The following INPP4A variants were observed in gnomAD, a reference collection of about 807,000 sequenced individuals.
The protein encoded by INPP4A is inositol polyphosphate-4-phosphatase type I A.
INPP4A carries 33 observed loss-of-function variants against 119.8 expected under a neutral mutation model. The ratio of observed to expected loss-of-function variants is 0.28; its 90% CI spans 0.21 to 0.37. The LOEUF (loss-of-function observed/expected upper bound fraction) is 0.37. INPP4A is among the 10% of genes least tolerant of loss of function. The pLI is 1.00. For missense variants in INPP4A, 956 were observed against 1,289.9 expected (o/e 0.74, Z 3.97); for synonymous variants, 496 against 500.7 (o/e 0.99, Z 0.12).
Position 98,554,606 on chromosome 2 carries a change from TC to T in INPP4A, c.1566+119del. 1.2e-6 allele frequency: 1 copy of T among 865,278 alleles called. No homozygotes were observed. Among genetic ancestry groups the T allele is most frequent in the Non-Finnish European group, 1.8e-6 (1 of 551,420 alleles). 53.6% of individuals were successfully genotyped at this position (865,278 alleles called of 1,614,324 possible). ...CAAGGTTCAACTGCTGTGAACAAGC[TC>T]CAGGTTTCCTTCCTGGATGGCTCCT... is the stretch of plus-strand genomic sequence containing the variant. On this transcript the variant is annotated intron_variant, in intron 15 of 24. Transcript: ENST00000409851. This position sits in a 1 kb window ranked among gnomAD's most constrained non-coding sequence, Gnocchi z 4.7.
chr2:98,568,079 G>A (rs1696793540), intron 21 of INPP4A, among the ~76,000 whole-genome samples: 1 of 152,238 alleles, frequency 6.6e-6, no homozygotes, highest in Non-Finnish European at 1.5e-5. Context: ...GTGTGATCAG[G>A]GTGAACCTGC....
chr2:98,447,798 C>T lies in INPP4A; in HGVS notation c.-166+2713C>T, dbSNP rs941465319. Among the ~76,000 whole-genome samples the T allele has an allele frequency of 1.5e-4, 23 of 152,132 alleles. 1 individual carries two copies. Among genetic ancestry groups the T allele is most frequent in the African/African-American group, 4.8e-4 (20 of 41,512 alleles). The stretch of plus-strand genomic sequence containing the variant: ...GGATATTCATAACAGCAGTAATCCC[C>T]GCACTTTGGGAGGCCGAGGCGGGCG... On this transcript the variant is annotated intron_variant, in intron 1 of 24. Coordinates refer to ENST00000409851, the MANE Select transcript of INPP4A (RefSeq NM_001134225.2).
At chr2:98,564,882 T>C (rs1696152262) in intron 19 of INPP4A, 119 bp downstream of exon 19, 2 of 1,251,322 alleles carry the variant, frequency 1.6e-6, no homozygotes, top group Admixed American at 2.7e-5. Flanking sequence ...ATCCAAAATA[T>C]ATAACAGCAG....
intron 13 of INPP4A, chr2:98,549,076 G>A (rs1693011143): frequency 1.0e-6 from 1 of 992,128 alleles, no homozygotes; most frequent in South Asian, 1.5e-5. Flanking sequence ...CTGCGGTGCT[G>A]CCATGGTTCC....
chr2:98,518,834 A>G (rs1686643964), intron 1 of INPP4A, 130 bp from the exon 2 acceptor site: 1 of 152,186 alleles, frequency 6.6e-6, no homozygotes, highest in Non-Finnish European at 1.5e-5. Flanking sequence ...TTTGAGCCAG[A>G]AGGTTGGATT....
At chr2:98,477,186 T>G (rs1324370220) in intron 1 of INPP4A, among the ~76,000 whole-genome samples, 1 of 152,224 alleles carries the variant, frequency 6.6e-6, no homozygotes, top group Non-Finnish European at 1.5e-5. Flanking sequence ...GAGTTCTCCC[T>G]GGGGACGTGT....
intron 1 of INPP4A, among the ~76,000 whole-genome samples, chr2:98,474,679 C>T (rs567737340): frequency 6.6e-6 from 1 of 152,240 alleles, no homozygotes; most frequent in Non-Finnish European, 1.5e-5. Context: ...ATCACCCTGA[C>T]ATTTGGCAGC....
chr2:98,548,558 G>T (rs1299801922), intron 13 of INPP4A, among the ~76,000 whole-genome samples: 1 of 152,124 alleles, frequency 6.6e-6, no homozygotes, highest in East Asian at 1.9e-4. Flanking sequence ...AGGAGGCTTG[G>T]GGTGTTGATT....
At chr2:98,562,694 C>T (rs1423761499) in intron 17 of INPP4A, among the ~76,000 whole-genome samples, 1 of 152,178 alleles carries the variant, frequency 6.6e-6, no homozygotes, top group Non-Finnish European at 1.5e-5. Context: ...TTTTAAATGT[C>T]TTCTAAATAG....
chr2:98,545,932 G>A lies in INPP4A; in HGVS notation c.950-37G>A, dbSNP rs367642272. The stretch of plus-strand genomic sequence containing the variant: ...TGCAACTCGTGAATGCAGCATGTAT[G>A]CTGATGGCCTTTATCTTCTCCTATT... On this transcript the variant is annotated intron_variant, in intron 11 of 24. Coordinates refer to ENST00000409851, the MANE Select transcript of INPP4A (RefSeq NM_001134225.2). 52 of 1,447,974 alleles carry A rather than the reference G, an allele frequency of 3.6e-5. No individual in the cohort carries two copies. In the African/African-American group the frequency reaches 6.6e-4, roughly 18 times the overall value. The allele number at this position is 1,447,974 out of a possible 1,614,324, so 89.7% of individuals were successfully genotyped here.
In INPP4A at chr2:98,566,853, C is replaced by T. The variant is rs1465896366; in HGVS notation, c.2420+684C>T. Among the ~76,000 whole-genome samples the T allele has an allele frequency of 6.6e-6, 1 of 152,138 alleles. No homozygotes were observed. Among genetic ancestry groups the T allele is most frequent in the Non-Finnish European group, 1.5e-5 (1 of 68,036 alleles). On this transcript the variant is annotated intron_variant, in intron 21 of 24. Transcript: ENST00000409851. The surrounding 1 kb of genome is among the most constrained non-coding windows in gnomAD (Gnocchi z 4.2). Reference sequence around the variant, plus strand: ...CTTCCACTAGTACATGAGAATGATTCCTGTGTTGTCATTTATCTTCATGTG... The same window carrying T: ...CTTCCACTAGTACATGAGAATGATTTCTGTGTTGTCATTTATCTTCATGTG...
chr2:98,543,095 A>AT (rs1559042238), intron 10 of INPP4A, among the ~76,000 whole-genome samples: 1 of 151,768 alleles, frequency 6.6e-6, no homozygotes, highest in Non-Finnish European at 1.5e-5. Flanking sequence ...AATTTTTTGT[A>AT]TTTTTTAGTA....
intron 4 of INPP4A, 105 bp downstream of exon 4, chr2:98,520,836 T>A: frequency 1.5e-6 from 1 of 646,960 alleles, no homozygotes; most frequent in Non-Finnish European, 2.7e-6. Context: ...AGCTTGCTGC[T>A]GCTGCCACCA....
At chr2:98,486,082 T>A (rs906182457) in intron 1 of INPP4A, among the ~76,000 whole-genome samples, 6 of 152,186 alleles carry the variant, frequency 3.9e-5, no homozygotes, top group African/African-American at 1.4e-4. Context: ...ACTGCTTCCT[T>A]GGGTCTCTGG....
intron 1 of INPP4A, among the ~76,000 whole-genome samples, chr2:98,457,283 TG>T (rs2104559451): frequency 6.6e-6 from 1 of 152,302 alleles, no homozygotes; most frequent in Admixed American, 6.5e-5. Context: ...CTTAGTGGCA[TG>T]CACCTGGTGA....
chr2:98,558,747 A>C (rs554392591), intron 16 of INPP4A, among the ~76,000 whole-genome samples: 1 of 152,334 alleles, frequency 6.6e-6, no homozygotes, highest in East Asian at 1.9e-4. Flanking sequence ...CCAGTTAATG[A>C]GAAATTTTGG....
rs763706883 is a variant in INPP4A, at chr2:98,590,610, CGTT to C, written c.*3005_*3007del. ...TCATCTCTGTGGGTAACCCAGTCCTCGTTGTATGACTTGTCAAAATGCAGTTCC... is the reference window on the plus strand; with the variant it reads ...TCATCTCTGTGGGTAACCCAGTCCTCGTATGACTTGTCAAAATGCAGTTCC... On this transcript the variant is annotated 3_prime_UTR_variant, in exon 25 of 25. Transcript: ENST00000409851. 3 of 202,396 alleles carry C rather than the reference CGTT, an allele frequency of 1.5e-5. No individual in the cohort carries two copies. The highest frequency in any genetic ancestry group is 2.0e-5 in the Non-Finnish European group (2 of 98,716). 12.5% of individuals were successfully genotyped at this position (202,396 alleles called of 1,614,324 possible). A position where few individuals can be genotyped will look rare whatever the true frequency, so the allele number is the denominator to read the frequency against.
At chr2:98,587,026 G>T (rs187483199) in intron 24 of INPP4A, among the ~76,000 whole-genome samples, 22 of 152,358 alleles carry the variant, frequency 1.4e-4, no homozygotes, top group African/African-American at 5.0e-4. Context: ...TTTTGAATTT[G>T]ATGTGATTAC....
At chr2:98,523,385 T>C (rs1687591766) in intron 4 of INPP4A, among the ~76,000 whole-genome samples, 1 of 151,632 alleles carries the variant, frequency 6.6e-6, no homozygotes. Flanking sequence ...GTTTTGTTTT[T>C]GTTTTTGTTT....
Sources: allele counts gnomAD v4.1 joint callset (sites outside exome capture counted in the v4.1 genomes callset), GRCh38; gene constraint gnomAD v4.1.1; non-coding constraint Gnocchi (gnomAD v3.1); transcripts MANE v1.5; gene names NCBI Gene and HGNC (gene_info 2026-07-23, HGNC 2026-07-21).